ARHGEF18: variants seen among roughly 807,000 people sequenced by gnomAD.
The protein encoded by ARHGEF18 is rho guanine nucleotide exchange factor 18.
A neutral mutation model predicts 155.7 loss-of-function variants in ARHGEF18; 93 were observed. The observed-to-expected ratio is 0.60, with a 90% CI of 0.50 to 0.71. The LOEUF is 0.71. Among genes scored for constraint, ARHGEF18 ranks in the 30% least tolerant of loss-of-function variants. The pLI is 0.00. For missense variants in ARHGEF18, 1,593 were observed against 1,816.1 expected (o/e 0.88, Z 2.23); for synonymous variants, 742 against 753.1 (o/e 0.99, Z 0.24).
chr19:7,370,558 G>A (rs530943344), intron 2 of ARHGEF18, among the ~76,000 whole-genome samples: 4 of 152,056 alleles, frequency 2.6e-5, no homozygotes, highest in Middle Eastern at 3.4e-3. Flanking sequence ...ATATGATCCC[G>A]CAATTCCACT....
rs1976992437 is a variant in ARHGEF18, at chr19:7,471,045, ACT to A, written c.*750_*751del. The A allele has an allele frequency of 2.7e-6, 1 of 376,584 alleles. No individual in the cohort carries two copies. The highest frequency in any genetic ancestry group is 4.7e-6 in the Non-Finnish European group (1 of 212,588). 23.3% of individuals were successfully genotyped at this position (376,584 alleles called of 1,614,324 possible). On this transcript the variant is annotated 3_prime_UTR_variant, in exon 29 of 29. Transcript: ENST00000668164. The surrounding 1 kb of genome is among the most constrained non-coding windows in gnomAD (Gnocchi z 4.4). ...GGTTTTGAAACCAGCTGTTTCCCAA[ACT>A]CTGCTTCCCAAGGGCAACCGTTGCT...
intron 9 of ARHGEF18, 32 bp from the exon 10 acceptor site, chr19:7,383,030 G>A (rs1298814731): frequency 8.1e-7 from 1 of 1,232,286 alleles, no homozygotes; most frequent in Non-Finnish European, 1.0e-6. Context: ...GCCTGCAGAG[G>A]GCATCCTGAG....
chr19:7,441,991 G>A lies in ARHGEF18; in HGVS notation c.1299G>A (p.Val433=). The A allele has an allele frequency of 6.2e-7, 1 of 1,614,098 alleles. No individual in the cohort carries two copies. The highest frequency in any genetic ancestry group is 1.1e-5 in the South Asian group (1 of 91,090). Residue 433 remains valine (V), a synonymous_variant, in exon 13 of 29, where the codon GTG becomes GTA. Transcript: ENST00000668164. ...EFEAESWSLA[V]DAAYAKKQKR... ...AAGCTGAGTCCTGGAGCCTCGCCGT[G>A]GATGCAGCCTACGCCAAGAAGCAAA... is the stretch of plus-strand genomic sequence containing the variant.
chr19:7,377,083 T>A, intron 5 of ARHGEF18, among the ~76,000 whole-genome samples: 1 of 151,998 alleles, frequency 6.6e-6, no homozygotes, highest in East Asian at 1.9e-4. Flanking sequence ...ACTCTTTTTT[T>A]TTTTTGAGAT....
chr19:7,420,584 C>T (rs913718714), intron 10 of ARHGEF18, among the ~76,000 whole-genome samples: 1 of 152,172 alleles, frequency 6.6e-6, no homozygotes, highest in African/African-American at 2.4e-5. Flanking sequence ...ACTTGCTTTT[C>T]AGTTTTTCCA....
chr19:7,382,921 C>T lies in ARHGEF18; in HGVS notation c.825+27C>T, dbSNP rs1970814222. 8 of 1,232,364 alleles carry T rather than the reference C, an allele frequency of 6.5e-6. No individual in the cohort carries two copies. The South Asian group carries it at 2.5e-4, about 38-fold the overall frequency. 76.3% of individuals were successfully genotyped at this position (1,232,364 alleles called of 1,614,324 possible). A position where few individuals can be genotyped will look rare whatever the true frequency, so the allele number is the denominator to read the frequency against. On this transcript the variant is annotated intron_variant, in intron 9 of 28. Coordinates refer to ENST00000668164, the MANE Select transcript of ARHGEF18 (RefSeq NM_001367823.1). ...TAAGGGGAGCTAAGCCACGGGGGCC[C>T]TCCTCTGCCTTCCCCAGCTTGGCTT...
intron 10 of ARHGEF18, among the ~76,000 whole-genome samples, chr19:7,397,550 G>A (rs148284039): frequency 1.2e-4 from 18 of 151,868 alleles, no homozygotes; most frequent in African/African-American, 4.4e-4. Flanking sequence ...TGGCTAACAC[G>A]GTGAAACCCC....
At chr19:7,453,236 G>T (rs62109837) in intron 16 of ARHGEF18, among the ~76,000 whole-genome samples, 5,169 of 148,242 alleles carry the variant, frequency 0.035, 142 homozygotes, top group South Asian at 0.08. Flanking sequence ...AAACTCTGAC[G>T]TGTTGCATTT....
At chr19:7,386,992 G>A (rs1971118340) in intron 10 of ARHGEF18, among the ~76,000 whole-genome samples, 3 of 152,084 alleles carry the variant, frequency 2.0e-5, no homozygotes, top group Admixed American at 1.3e-4. Flanking sequence ...GAAGTTGTAT[G>A]CCACATCTGC....
chr19:7,474,026 AGAAAT>A, downstream of ARHGEF18, among the ~76,000 whole-genome samples: 1 of 151,268 alleles, frequency 6.6e-6, no homozygotes, highest in Non-Finnish European at 1.5e-5. Flanking sequence ...GATAGAAAAA[AGAAAT>A]GAAATTTAAA....
At chr19:7,387,316 C>A (rs979085356) in intron 10 of ARHGEF18, among the ~76,000 whole-genome samples, 1 of 151,968 alleles carries the variant, frequency 6.6e-6, no homozygotes, top group South Asian at 2.1e-4. Flanking sequence ...CCATGCCCGG[C>A]TAATTTTTTG....
chr19:7,429,743 AC>A (rs1414467593), intron 10 of ARHGEF18, among the ~76,000 whole-genome samples: 1 of 152,172 alleles, frequency 6.6e-6, no homozygotes, highest in East Asian at 1.9e-4. Flanking sequence ...GAGGGCCCAC[AC>A]CCATAAGAGG....
intron 10 of ARHGEF18, chr19:7,439,601 T>C: frequency 1.1e-6 from 1 of 947,310 alleles, no homozygotes; most frequent in South Asian, 4.3e-5. Context: ...TTGGGTTGGT[T>C]TATAATCACC....
At chr19:7,424,180 C>T (rs1175487349) in intron 10 of ARHGEF18, among the ~76,000 whole-genome samples, 2 of 152,054 alleles carry the variant, frequency 1.3e-5, no homozygotes, top group East Asian at 1.9e-4. Context: ...GCGCCCACCA[C>T]CACGCCCGGC....
intron 2 of ARHGEF18, among the ~76,000 whole-genome samples, chr19:7,367,333 G>A (rs1969928757): frequency 1.3e-5 from 2 of 152,118 alleles, no homozygotes; most frequent in Non-Finnish European, 2.9e-5. Context: ...GTGAGGCACG[G>A]TGGCTCATGT....
intron 27 of ARHGEF18, 51 bp downstream of exon 27, chr19:7,469,182 G>C: frequency 6.7e-7 from 1 of 1,494,342 alleles, no homozygotes; most frequent in Non-Finnish European, 8.9e-7. Context: ...AACTGGTCAG[G>C]CTCTAGCGGC....
chr19:7,355,061 A>C (rs1254753006), intron 1 of ARHGEF18, among the ~76,000 whole-genome samples: 1 of 150,014 alleles, frequency 6.7e-6, no homozygotes, highest in Non-Finnish European at 1.5e-5. Flanking sequence ...ACGGATACCA[A>C]TGGGCTTCAC....
At chr19:7,398,741 TTC>T in intron 10 of ARHGEF18, among the ~76,000 whole-genome samples, 1 of 152,284 alleles carries the variant, frequency 6.6e-6, no homozygotes, top group Non-Finnish European at 1.5e-5. Flanking sequence ...CTTTGGTTCC[TTC>T]TCTCTTTCTT....
At chr19:7,407,820 G>A (rs1366945275) in intron 10 of ARHGEF18, among the ~76,000 whole-genome samples, 2 of 152,076 alleles carry the variant, frequency 1.3e-5, no homozygotes, top group Non-Finnish European at 2.9e-5. Flanking sequence ...AAAACTAGCC[G>A]GGCGTGGTGG....
Sources: gnomAD v4.1 joint callset for allele counts (sites outside exome capture counted in the v4.1 genomes callset) on GRCh38, gnomAD v4.1.1 for gene constraint, Gnocchi (gnomAD v3.1) non-coding constraint, MANE v1.5 for transcripts, NCBI Gene and HGNC (gene_info 2026-07-23, HGNC 2026-07-21) for gene names.